Variants in HECTD2 observed in about 807,000 individuals in gnomAD.
HECTD2 encodes HECT domain E3 ubiquitin protein ligase 2, also known as probable E3 ubiquitin-protein ligase HECTD2.
In HECTD2, 35 loss-of-function variants were observed where a neutral mutation model predicts 103.2. That is an observed-to-expected ratio of 0.34 (90% CI 0.26 to 0.45). The LOEUF (loss-of-function observed/expected upper bound fraction) is 0.45, where lower values mean the gene tolerates loss of function less well. HECTD2 is among the 20% of genes least tolerant of loss of function. HECTD2 has a pLI of 1.00. For missense variants in HECTD2, 596 were observed against 937.4 expected (o/e 0.64, Z 4.76); for synonymous variants, 281 against 329.9 (o/e 0.85, Z 1.61).
In HECTD2 at chr10:91,478,195, C is replaced by T; in HGVS notation, c.601-6C>T. The T allele has an allele frequency of 6.2e-7, 1 of 1,600,200 alleles. No homozygotes were observed. Among genetic ancestry groups the T allele is most frequent in the African/African-American group, 1.3e-5 (1 of 74,728 alleles). On this transcript the variant is annotated splice_region_variant and splice_polypyrimidine_tract_variant and intron_variant, in intron 5 of 20. Transcript: ENST00000298068. ...TAATTACCTTACTGTTTTCTTTTGCCTACAGCCTCAAGACGTTCAGAAGAC... is the reference window on the plus strand; with the variant it reads ...TAATTACCTTACTGTTTTCTTTTGCTTACAGCCTCAAGACGTTCAGAAGAC...
chr10:91,422,506 T>G (rs1288856026), intron 1 of HECTD2, among the ~76,000 whole-genome samples: 1 of 152,204 alleles, frequency 6.6e-6, no homozygotes, highest in African/African-American at 2.4e-5. Flanking sequence ...TTATTAAGAT[T>G]TTCTGACAAC....
intron 1 of HECTD2, among the ~76,000 whole-genome samples, chr10:91,420,868 C>A (rs1363519240): frequency 6.6e-6 from 1 of 152,260 alleles, no homozygotes; most frequent in East Asian, 1.9e-4. Context: ...GATGGGTTGC[C>A]CCTTAGTTGA....
In HECTD2 at chr10:91,461,376, A is replaced by G; in HGVS notation, c.510+20A>G. 8.8e-7 allele frequency: 1 copy of G among 1,140,026 alleles called. No individual in the cohort carries two copies. The highest frequency in any genetic ancestry group is 1.3e-6 in the Non-Finnish European group (1 of 796,748). The allele number at this position is 1,140,026 out of a possible 1,614,324, so 70.6% of individuals were successfully genotyped here. ...TTTAAGGTAATTATACATAAAACAC[A>G]CTTTTCATTTCACTTTTAGTTTTAA... On this transcript the variant is annotated intron_variant, in intron 4 of 20. Coordinates refer to ENST00000298068, the MANE Select transcript of HECTD2 (RefSeq NM_182765.6).
chr10:91,512,815 C>A lies in HECTD2; in HGVS notation c.*431C>A, dbSNP rs2133399897. The A allele has an allele frequency of 6.2e-6, 1 of 161,230 alleles. No individual in the cohort carries two copies. The highest frequency in any genetic ancestry group is 2.4e-5 in the African/African-American group (1 of 41,676). The allele number at this position is 161,230 out of a possible 1,614,324, so 10.0% of individuals were successfully genotyped here. On this transcript the variant is annotated 3_prime_UTR_variant, in exon 21 of 21. Transcript: ENST00000298068. ...TTATCTTTAACATAAGGCATGTAGC[C>A]ATATTTTCATATAGTGGTATACAAC...
chr10:91,414,835 G>T (rs1843054666), intron 1 of HECTD2, among the ~76,000 whole-genome samples: 1 of 152,208 alleles, frequency 6.6e-6, no homozygotes, highest in African/African-American at 2.4e-5. Flanking sequence ...AGGTGAGAAA[G>T]ATTGCATGGG....
At chr10:91,457,550 A>C (rs1845160729) in intron 2 of HECTD2, among the ~76,000 whole-genome samples, 2 of 152,072 alleles carry the variant, frequency 1.3e-5, no homozygotes, top group Non-Finnish European at 2.9e-5. Flanking sequence ...TAACATGCTA[A>C]GAATGATTCC....
In HECTD2 at chr10:91,513,563, G is replaced by C. The variant is rs1847505736; in HGVS notation, c.*1179G>C. Reference sequence around the variant, plus strand: ...TAAAAAGAAACTGCATTTTAAGTCAGACAGTAAATGTTTTTTTTAATTTAC... The same window carrying C: ...TAAAAAGAAACTGCATTTTAAGTCACACAGTAAATGTTTTTTTTAATTTAC... On this transcript the variant is annotated 3_prime_UTR_variant, in exon 21 of 21. Transcript: ENST00000298068. 6.6e-6 allele frequency: 1 copy of C among 152,466 alleles called. No individual in the cohort carries two copies. The highest frequency in any genetic ancestry group is 1.5e-5 in the Non-Finnish European group (1 of 68,002). The allele number at this position is 152,466 out of a possible 1,614,324, so 9.4% of individuals were successfully genotyped here.
chr10:91,417,091 A>G (rs1362965407), intron 1 of HECTD2, among the ~76,000 whole-genome samples: 1 of 152,222 alleles, frequency 6.6e-6, no homozygotes, highest in Non-Finnish European at 1.5e-5. Flanking sequence ...TGAATGAGGA[A>G]GTAGGTGGAG....
chr10:91,468,130 G>A lies in HECTD2; in HGVS notation c.600+5946G>A, dbSNP rs145963596. Among the ~76,000 whole-genome samples, 67 of 152,336 alleles carry A rather than the reference G, an allele frequency of 4.4e-4. 1 individual carries two copies. In the South Asian group the frequency reaches 5.0e-3, roughly 11 times the overall value. On this transcript the variant is annotated intron_variant, in intron 5 of 20. Transcript: ENST00000298068. Reference sequence around the variant, plus strand: ...ATCCAACTGCCACTACCCCAGTCAAGTGTTTTGTCTGACACCACCCATCAG... The same window carrying A: ...ATCCAACTGCCACTACCCCAGTCAAATGTTTTGTCTGACACCACCCATCAG...
intron 5 of HECTD2, among the ~76,000 whole-genome samples, chr10:91,477,871 C>T (rs578250415): frequency 6.6e-6 from 1 of 152,158 alleles, no homozygotes; most frequent in East Asian, 1.9e-4. Context: ...AAACATGTTA[C>T]GCTTGGATTC....
rs577006117 is a variant in HECTD2 at position 91,453,154 on chromosome 10, G to A, written c.269-7273G>A. Among the ~76,000 whole-genome samples, 29 of 152,270 alleles carry A rather than the reference G, an allele frequency of 1.9e-4. No individual in the cohort carries two copies. The South Asian group carries it at 2.5e-3, about 13-fold the overall frequency. Reference sequence around the variant, plus strand: ...GGAAATACTTAAGAAAATTATGGCCGAGTGCAGTGACTCACACCTGTAATC... The same window carrying A: ...GGAAATACTTAAGAAAATTATGGCCAAGTGCAGTGACTCACACCTGTAATC... On this transcript the variant is annotated intron_variant, in intron 2 of 20. Coordinates refer to ENST00000298068, the MANE Select transcript of HECTD2 (RefSeq NM_182765.6).
chr10:91,435,990 A>G (rs1258324876), intron 2 of HECTD2, among the ~76,000 whole-genome samples: 1 of 151,888 alleles, frequency 6.6e-6, no homozygotes, highest in Non-Finnish European at 1.5e-5. Context: ...TATGCCTTTA[A>G]TTGTGAAGAA....
intron 1 of HECTD2, among the ~76,000 whole-genome samples, chr10:91,413,046 G>C (rs1421151242): frequency 6.6e-6 from 1 of 151,974 alleles, no homozygotes; most frequent in Non-Finnish European, 1.5e-5. Context: ...TTTTGCCCCA[G>C]CCTAATGGTT....
At position 91,491,289 on chromosome 10, in the gene HECTD2, T is replaced by G. The variant is rs780041127; in HGVS notation, c.1281T>G (p.Val427=). 1.3e-6 allele frequency: 2 copies of G among 1,511,590 alleles called. No individual in the cohort carries two copies. The highest frequency in any genetic ancestry group is 1.8e-6 in the Non-Finnish European group (2 of 1,097,116). The allele number at this position is 1,511,590 out of a possible 1,614,324, so 93.6% of individuals were successfully genotyped here. A position where few individuals can be genotyped will look rare whatever the true frequency, so the allele number is the denominator to read the frequency against. ...LNMKVRRTHL[V]SDSLDELTRK... is the part of the protein sequence containing the mutation. ...TGAAAGTAAGACGGACACATCTGGT[T>G]AGCGATTCACTTGATGAGGTATAAT... The change falls in exon 12 of 21, where the codon GTT becomes GTG. Residue 427 remains valine, a synonymous_variant. Transcript: ENST00000298068.
intron 20 of HECTD2, among the ~76,000 whole-genome samples, chr10:91,511,629 C>A (rs1005570747): frequency 3.3e-5 from 5 of 152,042 alleles, no homozygotes; most frequent in African/African-American, 1.2e-4. Context: ...GCATTAGATT[C>A]TCATAAGGGG....
intron 20 of HECTD2, among the ~76,000 whole-genome samples, chr10:91,504,480 G>A (rs1475272958): frequency 6.6e-6 from 1 of 152,202 alleles, no homozygotes; most frequent in Non-Finnish European, 1.5e-5. Flanking sequence ...CGTGAAGAAT[G>A]CAGAAGCCTC....
rs949576189 is a variant in HECTD2, at chr10:91,427,974, T to C, written c.268+2564T>C. On this transcript the variant is annotated intron_variant, in intron 2 of 20. Coordinates refer to ENST00000298068, the MANE Select transcript of HECTD2 (RefSeq NM_182765.6). Reference sequence around the variant, plus strand: ...CCCATGCCTATGTCCTGAATGGTAATGCCTAGGTTTTCTTCTAGGGTTTTT... The same window carrying C: ...CCCATGCCTATGTCCTGAATGGTAACGCCTAGGTTTTCTTCTAGGGTTTTT... 8.6e-5 allele frequency among the ~76,000 whole-genome samples: 13 copies of C among 151,992 alleles called. No homozygotes were observed. The South Asian group carries it at 1.9e-3, about 22-fold the overall frequency.
In HECTD2 at chr10:91,425,418, A is replaced by ATTT; in HGVS notation, c.268+11_268+13dup. 1 of 1,485,082 alleles carries ATTT rather than the reference A, an allele frequency of 6.7e-7. No individual in the cohort carries two copies. Among genetic ancestry groups the ATTT allele is most frequent in the Non-Finnish European group, 9.0e-7 (1 of 1,111,838 alleles). 92.0% of individuals were successfully genotyped at this position (1,485,082 alleles called of 1,614,324 possible). ...TCCCTAACATCAAGAATGGTAAATAATTTTTAAATATATTTTGGCTAAAAG... is the reference window on the plus strand; with the variant it reads ...TCCCTAACATCAAGAATGGTAAATAATTTTTTTTAAATATATTTTGGCTAAAAG... On this transcript the variant is annotated intron_variant, in intron 2 of 20. Transcript: ENST00000298068.
chr10:91,509,317 G>A (rs1847330767), intron 20 of HECTD2, among the ~76,000 whole-genome samples: 1 of 151,932 alleles, frequency 6.6e-6, no homozygotes, highest in Non-Finnish European at 1.5e-5. Flanking sequence ...AATAGCAGAT[G>A]CTGACAAGGT....
Sources: gnomAD v4.1 joint callset for allele counts (sites outside exome capture counted in the v4.1 genomes callset) on GRCh38, gnomAD v4.1.1 for gene constraint, MANE v1.5 for transcripts, NCBI Gene and HGNC (gene_info 2026-07-23, HGNC 2026-07-21) for gene names.